The following PLCB1 variants were observed in gnomAD, a reference collection of about 807,000 sequenced individuals.
PLCB1 encodes phospholipase C beta 1.
PLCB1 carries 46 observed loss-of-function variants against 161.8 expected under a neutral mutation model. The observed-to-expected ratio is 0.28, with a 90% CI of 0.22 to 0.36. The LOEUF (loss-of-function observed/expected upper bound fraction) is 0.36, where lower values mean the gene tolerates loss of function less well. Among genes scored for constraint, PLCB1 ranks in the 10% least tolerant of loss-of-function variants. PLCB1 has a pLI of 1.00. For missense variants in PLCB1, 1,016 were observed against 1,472.5 expected (o/e 0.69, Z 5.07); for synonymous variants, 517 against 503.7 (o/e 1.03, Z -0.35).
chr20:8,229,864 A>AAAATAAAATAAAAT (rs1979911703), intron 2 of PLCB1, among the ~76,000 whole-genome samples: 1 of 146,894 alleles, frequency 6.8e-6, no homozygotes, highest in African/African-American at 2.5e-5. Context: ...CTCATAAAAT[A>AAAATAAAATAAAAT]AAATAAAATA....
intron 3 of PLCB1, among the ~76,000 whole-genome samples, chr20:8,483,982 C>T (rs1348704296): frequency 1.3e-5 from 2 of 152,156 alleles, no homozygotes; most frequent in Non-Finnish European, 2.9e-5. Context: ...GCCTTTGGAC[C>T]TGTTGTTCCC....
At chr20:8,809,071 A>C (rs1984682510) in intron 31 of PLCB1, among the ~76,000 whole-genome samples, 2 of 152,164 alleles carry the variant, frequency 1.3e-5, no homozygotes, top group Admixed American at 1.3e-4. Flanking sequence ...ATCATGGCTC[A>C]CTGCAGCCTC....
chr20:8,571,915 T>TG lies in PLCB1; in HGVS notation c.247-56374dup, dbSNP rs1986533419. Among the ~76,000 whole-genome samples, 3 of 152,238 alleles carry TG rather than the reference T, an allele frequency of 2.0e-5. No homozygotes were observed. In the South Asian group the frequency reaches 6.2e-4, roughly 32 times the overall value. ...TGAGGGGCCCTTTTCCAAAAAGCAA[T>TG]GGGGGAAGTGCCAATAAAGATACTA... On this transcript the variant is annotated intron_variant, in intron 3 of 31. Coordinates refer to ENST00000338037, the MANE Select transcript of PLCB1 (RefSeq NM_015192.4).
intron 3 of PLCB1, among the ~76,000 whole-genome samples, chr20:8,527,858 A>G (rs1316362391): frequency 6.6e-6 from 1 of 152,104 alleles, no homozygotes; most frequent in Non-Finnish European, 1.5e-5. Context: ...TGGGAAATTA[A>G]AAAGTCATAA....
At position 8,775,992 on chromosome 20, in the gene PLCB1, G is replaced by A. The variant is rs143231127; in HGVS notation, c.3111+1273G>A. 3.2e-3 allele frequency among the ~76,000 whole-genome samples: 492 copies of A among 152,224 alleles called. 2 individuals carry two copies. The highest frequency in any genetic ancestry group is 0.012 in the African/African-American group (478 of 41,528). On this transcript the variant is annotated intron_variant, in intron 27 of 31. Transcript: ENST00000338037. ...CAGGGGTTGGATCAGGCATAGGGAGGGATTGCCTTGACAGACCTGAGCAAG... is the reference window on the plus strand; with the variant it reads ...CAGGGGTTGGATCAGGCATAGGGAGAGATTGCCTTGACAGACCTGAGCAAG...
chr20:8,356,157 A>T (rs1986355482), intron 2 of PLCB1, among the ~76,000 whole-genome samples: 1 of 152,210 alleles, frequency 6.6e-6, no homozygotes, highest in African/African-American at 2.4e-5. Flanking sequence ...TTATTTAAAT[A>T]GGATAACATG....
chr20:8,412,765 T>G (rs1979098595), intron 3 of PLCB1, among the ~76,000 whole-genome samples: 1 of 152,174 alleles, frequency 6.6e-6, no homozygotes, highest in Non-Finnish European at 1.5e-5. Context: ...GTCCATCTAG[T>G]TATTTGGTTT....
intron 31 of PLCB1, among the ~76,000 whole-genome samples, chr20:8,878,081 G>GTTAA (rs1987841986): frequency 6.6e-6 from 1 of 152,062 alleles, no homozygotes; most frequent in Non-Finnish European, 1.5e-5. Flanking sequence ...TACTTCTTTT[G>GTTAA]TTAATAATTA....
In PLCB1 at chr20:8,759,098, G is replaced by A. The variant is rs1981885007; in HGVS notation, c.2657-1309G>A. 1.3e-5 allele frequency among the ~76,000 whole-genome samples: 2 copies of A among 152,116 alleles called. 1 individual carries two copies. The highest frequency in any genetic ancestry group is 4.1e-4 in the South Asian group (2 of 4,824). On this transcript the variant is annotated intron_variant, in intron 24 of 31. Transcript: ENST00000338037. ...CTATGGCAGTCCCACAGTCTTTCCT[G>A]TCTTTCATAACCTTGGTACTTTGGA...
chr20:8,844,594 G>A (rs928661587), intron 31 of PLCB1, among the ~76,000 whole-genome samples: 1 of 151,918 alleles, frequency 6.6e-6, no homozygotes, highest in Non-Finnish European at 1.5e-5. Context: ...AAAAGGACGG[G>A]GGAGGGGAAA....
At chr20:8,824,507 T>C (rs577528697) in intron 31 of PLCB1, among the ~76,000 whole-genome samples, 1 of 152,200 alleles carries the variant, frequency 6.6e-6, no homozygotes, top group Non-Finnish European at 1.5e-5. Context: ...AACTCAGGAA[T>C]GGCAGGAAGT....
chr20:8,340,151 C>T (rs1600327373), intron 2 of PLCB1, among the ~76,000 whole-genome samples: 2 of 152,138 alleles, frequency 1.3e-5, no homozygotes, highest in South Asian at 4.1e-4. Flanking sequence ...TAGTGAAATA[C>T]CCTCCTGGGA....
intron 3 of PLCB1, among the ~76,000 whole-genome samples, chr20:8,622,255 G>GA (rs564055950): frequency 6.5e-3 from 750 of 116,112 alleles, no homozygotes; most frequent in Non-Finnish European, 7.1e-3. Context: ...TCTGCCTCAG[G>GA]AAAAAAAAAA....
chr20:8,827,385 C>T (rs1434095727), intron 31 of PLCB1, among the ~76,000 whole-genome samples: 2 of 152,124 alleles, frequency 1.3e-5, no homozygotes, highest in Non-Finnish European at 2.9e-5. Context: ...GGCTATATAA[C>T]TTAAGCAGCA....
At chr20:8,302,498 A>T (rs527602972) in intron 2 of PLCB1, among the ~76,000 whole-genome samples, 1 of 152,240 alleles carries the variant, frequency 6.6e-6, no homozygotes, top group East Asian at 1.9e-4. Flanking sequence ...ACTTTTAATT[A>T]TACTTTATCT....
At chr20:8,728,959 C>A in intron 17 of PLCB1, 91 bp from the exon 18 acceptor site, 1 of 854,908 alleles carries the variant, frequency 1.2e-6, no homozygotes, top group Non-Finnish European at 1.7e-6. Context: ...CTTCATTTTC[C>A]AAATGGAGAA....
At chr20:8,505,487 A>G (rs1002369652) in intron 3 of PLCB1, among the ~76,000 whole-genome samples, 3 of 152,206 alleles carry the variant, frequency 2.0e-5, no homozygotes, top group African/African-American at 7.2e-5. Context: ...TCTCACCAGG[A>G]GAGGAAAGGA....
intron 3 of PLCB1, among the ~76,000 whole-genome samples, chr20:8,583,127 C>T (rs1253744226): frequency 1.3e-5 from 2 of 152,068 alleles, no homozygotes; most frequent in Non-Finnish European, 2.9e-5. Flanking sequence ...TGATTCCATT[C>T]ATATGATGCA....
chr20:8,600,992 C>T (rs1037297121), intron 3 of PLCB1, among the ~76,000 whole-genome samples: 50 of 152,100 alleles, frequency 3.3e-4, no homozygotes, highest in Non-Finnish European at 7.1e-4. Context: ...TGACCTGCGC[C>T]CACTGTCTGG....
Sources: gnomAD v4.1 joint callset for allele counts (sites outside exome capture counted in the v4.1 genomes callset) on GRCh38, gnomAD v4.1.1 for gene constraint, MANE v1.5 for transcripts, NCBI Gene and HGNC (gene_info 2026-07-23, HGNC 2026-07-21) for gene names.